The following ITGAM variants were observed in gnomAD, a reference collection of about 807,000 sequenced individuals.
The protein encoded by ITGAM is integrin subunit alpha M, also known as integrin alpha-M.
Under a neutral mutation model 137.5 loss-of-function variants are expected in ITGAM, and 79 were observed. That is an observed-to-expected ratio of 0.57 (90% CI 0.48 to 0.69). The LOEUF (loss-of-function observed/expected upper bound fraction) is 0.69, where lower values mean the gene tolerates loss of function less well. Ranked by LOEUF, ITGAM falls within the 30% of genes least tolerant of loss-of-function variation. The pLI, the probability that ITGAM is intolerant of heterozygous loss-of-function variation, is 0.00. For missense variants in ITGAM, 1,343 were observed against 1,483.5 expected, an observed-to-expected ratio of 0.91 and a Z score of 1.56; for synonymous variants, 583 against 592.3, an observed-to-expected ratio of 0.98 and a Z score of 0.23.
At position 31,276,627 on chromosome 16, in the gene ITGAM, C is replaced by T. The variant is rs781230684; in HGVS notation, c.1010-44C>T. 44 of 1,443,564 alleles carry T rather than the reference C, an allele frequency of 3.0e-5. No individual in the cohort carries two copies. In the East Asian group the frequency reaches 3.5e-4, roughly 12 times the overall value. 89.4% of individuals were successfully genotyped at this position (1,443,564 alleles called of 1,614,324 possible). A position where few individuals can be genotyped will look rare whatever the true frequency, so the allele number is the denominator to read the frequency against. On this transcript the variant is annotated intron_variant, in intron 9 of 29. Transcript: ENST00000544665. ...GATTACAGGCGTGAGCCACCATGCC[C>T]GGCCTTCTGCTTTCTTTAATATAGA...
In ITGAM at chr16:31,331,987, GTGTGTGCAAGTGTGTGCA is replaced by G. The variant is rs1336966693; in HGVS notation, c.*288_*305del. On this transcript the variant is annotated 3_prime_UTR_variant, in exon 30 of 30. Transcript: ENST00000544665. ...TCCAAGTGTGTGTGCGTGTGTCCATGTGTGTGCAAGTGTGTGCATGTGTGCGAGTGTGTGCATGTGTGT... is the reference window on the plus strand; with the variant it reads ...TCCAAGTGTGTGTGCGTGTGTCCATGTGTGTGCGAGTGTGTGCATGTGTGT... 2.1e-6 allele frequency: 1 copy of G among 487,410 alleles called. No homozygotes were observed. The highest frequency in any genetic ancestry group is 2.7e-5 in the South Asian group (1 of 37,550). 30.2% of individuals were successfully genotyped at this position (487,410 alleles called of 1,614,324 possible). A position where few individuals can be genotyped will look rare whatever the true frequency, so the allele number is the denominator to read the frequency against.
intron 5 of ITGAM, 71 bp downstream of exon 5, chr16:31,266,218 G>C (rs974609161): frequency 9.5e-7 from 1 of 1,057,740 alleles, no homozygotes; most frequent in Non-Finnish European, 1.4e-6. Flanking sequence ...CTGAGGTGAC[G>C]TCTGCTCAAG....
intron 14 of ITGAM, among the ~76,000 whole-genome samples, chr16:31,306,079 C>G (rs1264083874): frequency 6.6e-6 from 1 of 152,062 alleles, no homozygotes; most frequent in Admixed American, 6.6e-5. Context: ...AGCTGTGAAA[C>G]CTTCTGGTCC....
chr16:31,287,042 T>G (rs2080036230), intron 12 of ITGAM, among the ~76,000 whole-genome samples: 1 of 152,200 alleles, frequency 6.6e-6, no homozygotes, highest in African/African-American at 2.4e-5. Context: ...TTAATACACC[T>G]TGAGTTGATT....
chr16:31,312,135 T>G (rs1368221616), intron 14 of ITGAM, among the ~76,000 whole-genome samples: 2 of 76,506 alleles, frequency 2.6e-5, no homozygotes, highest in East Asian at 8.9e-4. Context: ...GGGACTGTTG[T>G]GGGGTGGGGG....
At chr16:31,277,131 A>G (rs2079916129) in intron 11 of ITGAM, 82 bp downstream of exon 11, 1 of 1,211,788 alleles carries the variant, frequency 8.3e-7, no homozygotes, top group African/African-American at 1.5e-5. Flanking sequence ...TGGGTCTTGA[A>G]TGAATGGGAT....
Position 31,285,280 on chromosome 16 carries a change from C to T in ITGAM, c.1356+7171C>T, listed in dbSNP as rs530231798. On this transcript the variant is annotated intron_variant, in intron 12 of 29. Transcript: ENST00000544665. ...ACCAGACCCAGGGTGCAGCACAGCC[C>T]GTGGATTTAATTTCTGCCTTTTAGT... Among the ~76,000 whole-genome samples the T allele has an allele frequency of 8.9e-4, 135 of 152,134 alleles. 1 individual carries two copies. Among genetic ancestry groups the T allele is most frequent in the Admixed American group, 5.9e-4 (9 of 15,278 alleles).
chr16:31,279,033 C>T, intron 12 of ITGAM, among the ~76,000 whole-genome samples: 1 of 152,118 alleles, frequency 6.6e-6, no homozygotes, highest in Non-Finnish European at 1.5e-5. Context: ...TGATGGTTTC[C>T]AGCTTCATCC....
intron 14 of ITGAM, among the ~76,000 whole-genome samples, chr16:31,301,527 A>C (rs2080197304): frequency 6.6e-6 from 1 of 152,198 alleles, no homozygotes; most frequent in African/African-American, 2.4e-5. Flanking sequence ...TAAAAGAAAG[A>C]CACTTATATT....
intron 14 of ITGAM, 139 bp downstream of exon 14, chr16:31,298,093 C>T: frequency 1.3e-6 from 1 of 771,060 alleles, no homozygotes; most frequent in Non-Finnish European, 2.1e-6. Flanking sequence ...TGTGGCTGGG[C>T]CTGGTGGCTG....
At chr16:31,274,136 C>T (rs1887010582) in intron 8 of ITGAM, among the ~76,000 whole-genome samples, 1 of 152,208 alleles carries the variant, frequency 6.6e-6, no homozygotes, top group Non-Finnish European at 1.5e-5. Context: ...ACGCCACAAG[C>T]TGCATGGAAT....
intron 3 of ITGAM, 52 bp downstream of exon 3, chr16:31,265,550 G>T: frequency 7.9e-7 from 1 of 1,261,684 alleles, no homozygotes; most frequent in East Asian, 2.5e-5. Context: ...TGAACACATA[G>T]GGACTTTCCA....
intron 7 of ITGAM, among the ~76,000 whole-genome samples, chr16:31,272,784 T>TA (rs2079865728): frequency 3.3e-5 from 5 of 151,876 alleles, no homozygotes; most frequent in South Asian, 4.2e-4. Flanking sequence ...AATATATATA[T>TA]TTTTAAAATT....
rs535441196 is a variant in ITGAM, at chr16:31,331,230, C to T, written c.3342C>T (p.Val1114=). ...NPLPLIVGSS[V]GGLLLLALIT... Reference sequence around the variant, plus strand: ...TGCCGCTCATCGTGGGCAGCTCTGTCGGGGGACTGCTGCTCCTGGCCCTCA... The same window carrying T: ...TGCCGCTCATCGTGGGCAGCTCTGTTGGGGGACTGCTGCTCCTGGCCCTCA... The change falls in exon 29 of 30, where the codon GTC becomes GTT. Residue 1114 remains valine (V), a synonymous_variant. Transcript: ENST00000544665. 2.1e-5 allele frequency: 34 copies of T among 1,613,390 alleles called. 1 individual carries two copies. In the South Asian group the frequency reaches 3.7e-4, roughly 18 times the overall value.
At chr16:31,303,404 T>C (rs754825534) in intron 14 of ITGAM, among the ~76,000 whole-genome samples, 1 of 152,202 alleles carries the variant, frequency 6.6e-6, no homozygotes, top group Non-Finnish European at 1.5e-5. Flanking sequence ...GGACTATAGT[T>C]ATTATCTAAA....
At chr16:31,305,057 A>G (rs1298491854) in intron 14 of ITGAM, among the ~76,000 whole-genome samples, 1 of 152,000 alleles carries the variant, frequency 6.6e-6, no homozygotes, top group Admixed American at 6.6e-5. Flanking sequence ...CAGTATGGTC[A>G]TTTTCACAAT....
rs1247445003 is a variant in ITGAM, at chr16:31,324,775, C to T, written c.2282C>T (p.Thr761Ile). The T allele has an allele frequency of 6.4e-6, 10 of 1,564,208 alleles. No individual in the cohort carries two copies. The highest frequency in any genetic ancestry group is 8.6e-6 in the Non-Finnish European group (10 of 1,157,706). ...VLAEDAQRLF[T>I]ALFPFEKNCG... The stretch of plus-strand genomic sequence containing the variant: ...GCGGAGGATGCTCAGAGACTCTTCA[C>T]AGCCTTGGTGAGTCCAGAGTTGGGG... Residue 761 changes from threonine (T) to isoleucine (I), a missense_variant, in exon 18 of 30, where the codon ACA (threonine) becomes ATA (isoleucine). Physicochemically the swap from Thr to Ile is moderately conservative, Grantham distance 89. Coordinates refer to ENST00000544665, the MANE Select transcript of ITGAM (RefSeq NM_000632.4). This position sits in a 1 kb window ranked among gnomAD's most constrained non-coding sequence, Gnocchi z 4.5.
chr16:31,280,075 T>C (rs1419385322), intron 12 of ITGAM, among the ~76,000 whole-genome samples: 1 of 152,088 alleles, frequency 6.6e-6, no homozygotes, highest in Non-Finnish European at 1.5e-5. Flanking sequence ...CTGAGGGCCC[T>C]GTTCTGTTCC....
chr16:31,260,180 G>A (rs1273656764), intron 1 of ITGAM, 88 bp downstream of exon 1: 4 of 964,134 alleles, frequency 4.1e-6, no homozygotes, highest in Non-Finnish European at 1.5e-6. Context: ...ATATGTAGGA[G>A]TCAGTCTGGG....
Sources: allele counts gnomAD v4.1 joint callset (sites outside exome capture counted in the v4.1 genomes callset), GRCh38; gene constraint gnomAD v4.1.1; non-coding constraint Gnocchi (gnomAD v3.1); transcripts MANE v1.5; gene names NCBI Gene and HGNC (gene_info 2026-07-23, HGNC 2026-07-21).